The following CNGA1 variants were observed in gnomAD, a reference collection of about 807,000 sequenced individuals.
CNGA1 encodes the protein cyclic nucleotide-gated channel alpha-1.
A neutral mutation model predicts 69.7 loss-of-function variants in CNGA1; 53 were observed. The ratio of observed to expected loss-of-function variants is 0.76; its 90% CI spans 0.61 to 0.96. The LOEUF is 0.96. Ranked by LOEUF, CNGA1 falls within the 40% of genes least tolerant of loss-of-function variation. The pLI, the probability that CNGA1 is intolerant of heterozygous loss-of-function variation, is 0.00. For missense variants in CNGA1, 739 were observed against 811.2 expected (o/e 0.91, Z 1.08); for synonymous variants, 249 against 283.5 (o/e 0.88, Z 1.22).
rs777233831 is a variant in CNGA1, at chr4:47,936,889, A to G, written c.1593T>C (p.Phe531=). 6.2e-7 allele frequency: 1 copy of G among 1,614,106 alleles called. No homozygotes were observed. Among genetic ancestry groups the G allele is most frequent in the Non-Finnish European group, 8.5e-7 (1 of 1,180,016 alleles). Reference sequence around the variant, plus strand: ...AGTAGCTGCCATCGCTCAATACCACAAACTGAGTGACTCCATCATCTGCCA... The same window carrying G: ...AGTAGCTGCCATCGCTCAATACCACGAACTGAGTGACTCCATCATCTGCCA... The part of the protein sequence containing the change: ...AVVADDGVTQ[F]VVLSDGSYFG... The change falls in exon 11 of 11, where the codon TTT becomes TTC. Residue 531 remains phenylalanine (F), a synonymous_variant. Coordinates refer to ENST00000514170, the MANE Select transcript of CNGA1 (RefSeq NM_001379270.1).
chr4:47,942,039 A>C lies in CNGA1; in HGVS notation c.545+2T>G, dbSNP rs1578066770. On this transcript the variant is annotated splice_donor_variant, in intron 9 of 10. Transcript: ENST00000514170. LOFTEE classifies it high-confidence loss of function. Reference sequence around the variant, plus strand: ...AAAAAAAAAAAAAAAAATTATAGACACCTGGCAATAACCATTGTCCAGTTG... The same window carrying C: ...AAAAAAAAAAAAAAAAATTATAGACCCCTGGCAATAACCATTGTCCAGTTG... 6.4e-7 allele frequency: 1 copy of C among 1,571,198 alleles called. No homozygotes were observed. Among genetic ancestry groups the C allele is most frequent in the East Asian group, 2.2e-5 (1 of 44,614 alleles).
intron 2 of CNGA1, among the ~76,000 whole-genome samples, chr4:48,005,400 G>C (rs1045225134): frequency 1.3e-5 from 2 of 152,166 alleles, no homozygotes; most frequent in African/African-American, 2.4e-5. Context: ...ACAGGTGTGA[G>C]CCACCACGCC....
intron 2 of CNGA1, among the ~76,000 whole-genome samples, chr4:47,986,338 C>T (rs1415368166): frequency 1.3e-5 from 2 of 151,318 alleles, no homozygotes; most frequent in East Asian, 1.9e-4. Flanking sequence ...ACCCAGGAGG[C>T]GGAGTTGCAG....
At chr4:48,014,737 A>G (rs542780963) in intron 1 of CNGA1, among the ~76,000 whole-genome samples, 10 of 152,366 alleles carry the variant, frequency 6.6e-5, no homozygotes, top group African/African-American at 2.4e-4. Flanking sequence ...AGAGATTAGA[A>G]TAGTGCTTGC....
chr4:47,936,967 T>C lies in CNGA1; in HGVS notation c.1515A>G (p.Lys505=), dbSNP rs1317711121. 2 of 1,613,880 alleles carry C rather than the reference T, an allele frequency of 1.2e-6. No homozygotes were observed. The highest frequency in any genetic ancestry group is 1.7e-6 in the Non-Finnish European group (2 of 1,179,856). The change falls in exon 11 of 11, where the codon AAA becomes AAG. Residue 505 remains lysine (K), a synonymous_variant. Transcript: ENST00000514170. ...TGTACATCTCTCGTCCGATATCCCC[T>C]TTCTTGCAAATATAATCTCCAGGAC... ...VYSPGDYICK[K]GDIGREMYII... is the part of the protein sequence containing the mutation.
At chr4:47,962,360 T>A (rs1336208219) in intron 3 of CNGA1, among the ~76,000 whole-genome samples, 2 of 146,650 alleles carry the variant, frequency 1.4e-5, no homozygotes, top group East Asian at 2.0e-4. Context: ...AAAAAAAAAA[T>A]TGATTACATG....
intron 3 of CNGA1, among the ~76,000 whole-genome samples, chr4:47,965,511 C>G (rs969072644): frequency 2.6e-5 from 4 of 151,794 alleles, no homozygotes; most frequent in African/African-American, 7.3e-5. Context: ...ACTGCAACCT[C>G]CACCATCTTG....
chr4:47,953,194 A>G (rs1739849492), intron 3 of CNGA1, among the ~76,000 whole-genome samples: 1 of 152,234 alleles, frequency 6.6e-6, no homozygotes, highest in African/African-American at 2.4e-5. Context: ...GCAGTTTTAC[A>G]TAGGAATTAT....
At chr4:47,999,323 T>A (rs188900) in intron 2 of CNGA1, among the ~76,000 whole-genome samples, 21,374 of 152,236 alleles carry the variant, frequency 0.14, 1,833 homozygotes, top group Middle Eastern at 0.23. Flanking sequence ...TCCCTGCAGA[T>A]AAAAGAGAGC....
intron 2 of CNGA1, among the ~76,000 whole-genome samples, chr4:48,006,138 C>T (rs1160772386): frequency 2.6e-5 from 4 of 152,096 alleles, no homozygotes; most frequent in Non-Finnish European, 5.9e-5. Context: ...GCTTGATATT[C>T]ATGAATATTT....
At chr4:47,988,652 T>G (rs1391334498) in intron 2 of CNGA1, among the ~76,000 whole-genome samples, 3 of 152,140 alleles carry the variant, frequency 2.0e-5, no homozygotes, top group Admixed American at 6.6e-5. Flanking sequence ...TAGTATAATA[T>G]TGTAATTTAG....
chr4:47,955,257 A>C (rs2110166759), intron 3 of CNGA1, among the ~76,000 whole-genome samples: 1 of 139,044 alleles, frequency 7.2e-6, no homozygotes, highest in Admixed American at 8.2e-5. Flanking sequence ...ATATCAGCTC[A>C]CTGCAACCTC....
chr4:47,976,343 A>G (rs902968192), intron 3 of CNGA1, among the ~76,000 whole-genome samples: 6 of 19,536 alleles, frequency 3.1e-4, no homozygotes, highest in Admixed American at 1.4e-3. Context: ...ATATACACAT[A>G]TATATATATA....
chr4:47,973,695 G>A (rs1406036699), intron 3 of CNGA1, among the ~76,000 whole-genome samples: 2 of 150,998 alleles, frequency 1.3e-5, no homozygotes, highest in Non-Finnish European at 2.9e-5. Flanking sequence ...AGTTAACTTC[G>A]GGATGTGTAA....
At chr4:48,015,889 G>T (rs947414782) in intron 1 of CNGA1, among the ~76,000 whole-genome samples, 2 of 152,078 alleles carry the variant, frequency 1.3e-5, no homozygotes, top group African/African-American at 2.4e-5. Flanking sequence ...TGAGCCACCC[G>T]CCAGCCCTGC....
At chr4:47,951,070 A>G (rs3762859) in intron 5 of CNGA1, among the ~76,000 whole-genome samples, 127,616 of 152,226 alleles carry the variant, frequency 0.84, 53,734 homozygotes, top group East Asian at 0.98. Context: ...GGCAGTGGCA[A>G]TATTTCCCAA....
intron 3 of CNGA1, among the ~76,000 whole-genome samples, chr4:47,970,436 A>C (rs1028726945): frequency 8.5e-5 from 13 of 152,198 alleles, no homozygotes; most frequent in Admixed American, 3.3e-4. Context: ...GGATCACCTG[A>C]GGTCGGGATT....
chr4:47,977,444 A>G lies in CNGA1; in HGVS notation c.-15+3949T>C, dbSNP rs1443840067. On this transcript the variant is annotated intron_variant, in intron 3 of 10. Coordinates refer to ENST00000514170, the MANE Select transcript of CNGA1 (RefSeq NM_001379270.1). ...CATGAGAAATAAATTTCTATTGACC[A>G]CCAGCCTGCGGTATTCTGATATGGC... Among the ~76,000 whole-genome samples the G allele has an allele frequency of 2.0e-5, 3 of 152,264 alleles. No homozygotes were observed. The East Asian group carries it at 5.8e-4, about 29-fold the overall frequency.
chr4:47,940,048 T>C (rs9998800), intron 10 of CNGA1, among the ~76,000 whole-genome samples: 5,036 of 152,316 alleles, frequency 0.033, 262 homozygotes, highest in African/African-American at 0.11. Context: ...GCTGTTACCA[T>C]GGGCTTGTGT....
Sources: gnomAD v4.1 joint callset for allele counts (sites outside exome capture counted in the v4.1 genomes callset) on GRCh38, gnomAD v4.1.1 for gene constraint, MANE v1.5 for transcripts, NCBI Gene and HGNC (gene_info 2026-07-23, HGNC 2026-07-21) for gene names.